IRAG1: variants seen among roughly 807,000 people sequenced by gnomAD.
IRAG1 encodes the protein IP3R-associated cGMP kinase substrate.
Under a neutral mutation model 106.2 loss-of-function variants are expected in IRAG1, and 62 were observed. The observed-to-expected ratio is 0.58, with a 90% CI of 0.48 to 0.72. The LOEUF (loss-of-function observed/expected upper bound fraction) is 0.72. IRAG1 is among the 30% of genes least tolerant of loss of function. The pLI, the probability that IRAG1 is intolerant of heterozygous loss-of-function variation, is 0.00. For missense variants in IRAG1, 1,064 were observed against 1,140.7 expected (o/e 0.93, Z 0.97); for synonymous variants, 462 against 443.9 (o/e 1.04, Z -0.51).
Position 10,633,954 on chromosome 11 carries a change from T to C in IRAG1, c.329+14A>G, listed in dbSNP as rs771149958. 8 of 1,538,966 alleles carry C rather than the reference T, an allele frequency of 5.2e-6. No individual in the cohort carries two copies. Among genetic ancestry groups the C allele is most frequent in the Non-Finnish European group, 7.2e-6 (8 of 1,115,394 alleles). On this transcript the variant is annotated intron_variant, in intron 3 of 20. Transcript: ENST00000423302. ...AATATTGTTTGTCACAATGCAAGGATCAGGCACCTGTACCTGTTGGCCAGG... is the reference window on the plus strand; with the variant it reads ...AATATTGTTTGTCACAATGCAAGGACCAGGCACCTGTACCTGTTGGCCAGG...
chr11:10,609,584 G>T (rs964149828), intron 11 of IRAG1, 144 bp downstream of exon 11: 5 of 941,736 alleles, frequency 5.3e-6, no homozygotes, highest in African/African-American at 5.2e-5. Flanking sequence ...TTTTTGTTTC[G>T]AATGCATTAT....
chr11:10,581,777 C>A, intron 19 of IRAG1, 90 bp downstream of exon 19: 6 of 1,507,426 alleles, frequency 4.0e-6, no homozygotes, highest in Non-Finnish European at 5.3e-6. Context: ...TGGTTACTTC[C>A]CTAAAGCCTC....
rs60410009 is a variant in IRAG1 at position 10,626,675 on chromosome 11, C to T, written c.751-92G>A. On this transcript the variant is annotated intron_variant, in intron 8 of 20. Coordinates refer to ENST00000423302, the MANE Select transcript of IRAG1 (RefSeq NM_130385.4). ...CTGCTGTGGAGTCTCTGCCCCCACA[C>T]ACCTTGCCAAGGGGCCCATTTGTAT... The T allele has an allele frequency of 1.6e-3, 2,208 of 1,412,598 alleles. 36 individuals carry two copies. In the African/African-American group the frequency reaches 0.029, roughly 18 times the overall value. 87.5% of individuals were successfully genotyped at this position (1,412,598 alleles called of 1,614,324 possible).
intron 1 of IRAG1, among the ~76,000 whole-genome samples, chr11:10,664,264 G>T (rs1325612295): frequency 6.6e-6 from 1 of 152,134 alleles, no homozygotes; most frequent in Non-Finnish European, 1.5e-5. Flanking sequence ...CTTCCCTGCT[G>T]GGATGGAGCA....
At chr11:10,597,322 C>G (rs1853435865) in intron 15 of IRAG1, among the ~76,000 whole-genome samples, 1 of 151,844 alleles carries the variant, frequency 6.6e-6, no homozygotes, top group South Asian at 2.1e-4. Flanking sequence ...TATTTTATGT[C>G]TCCAATAATT....
intron 2 of IRAG1, among the ~76,000 whole-genome samples, chr11:10,650,444 C>A (rs953927538): frequency 6.6e-6 from 1 of 151,942 alleles, no homozygotes; most frequent in African/African-American, 2.4e-5. Flanking sequence ...GGGGAGTTGC[C>A]CAGGATTTAA....
rs1365682941 is a variant in IRAG1 at position 10,628,852 on chromosome 11, C to T, written c.575-24G>A. ...AGCTGTGAAGACAGACACAAATTGG[C>T]TGGCATTCATGAAGGTTTAGGACTT... On this transcript the variant is annotated intron_variant, in intron 5 of 20. Transcript: ENST00000423302. This position sits in a 1 kb window ranked among gnomAD's most constrained non-coding sequence, Gnocchi z 4.1. 6.4e-7 allele frequency: 1 copy of T among 1,563,604 alleles called. No homozygotes were observed. The highest frequency in any genetic ancestry group is 8.7e-7 in the Non-Finnish European group (1 of 1,155,140).
At chr11:10,594,881 G>A (rs564545290) in intron 15 of IRAG1, among the ~76,000 whole-genome samples, 48 of 151,940 alleles carry the variant, frequency 3.2e-4, no homozygotes, top group African/African-American at 1.1e-3. Flanking sequence ...ATATATTTTT[G>A]GTGAGTCTCT....
Position 10,625,994 on chromosome 11 carries a change from C to T in IRAG1, c.1340G>A (p.Arg447Gln), listed in dbSNP as rs373767088. ...TCGGAGCTTGGTCAGTTTCTGCATCCGCACGGGCTGCACTTGTATCTGAAA... is the reference window on the plus strand; with the variant it reads ...TCGGAGCTTGGTCAGTTTCTGCATCTGCACGGGCTGCACTTGTATCTGAAA... ...KDFQIQVQPVRMQKLTKLREE... is the reference protein window; with the variant it reads ...KDFQIQVQPVQMQKLTKLREE... The change falls in exon 9 of 21, where the codon CGG becomes CAG. Residue 447 changes from arginine (R) to glutamine (Q), a missense_variant. Transcript: ENST00000423302. 35 of 1,494,138 alleles carry T rather than the reference C, an allele frequency of 2.3e-5. No homozygotes were observed. Among genetic ancestry groups the T allele is most frequent in the East Asian group, 9.3e-5 (4 of 43,004 alleles). 92.6% of individuals were successfully genotyped at this position (1,494,138 alleles called of 1,614,324 possible).
In IRAG1 at chr11:10,609,826, A is replaced by G; in HGVS notation, c.1473T>C (p.Ala491=). The G allele has an allele frequency of 6.2e-7, 1 of 1,613,974 alleles. No individual in the cohort carries two copies. Among genetic ancestry groups the G allele is most frequent in the Non-Finnish European group, 8.5e-7 (1 of 1,179,876 alleles). ...CACTCTTTGACTCTTCTTCCTCAAT[A>G]GCTGGGGAGAGTTCAGAAGGAAGCC... ...EKGLPSELSP[A]IEEEESKSGL... Residue 491 remains alanine (A), a synonymous_variant, in exon 11 of 21, where the codon GCT becomes GCC. Coordinates refer to ENST00000423302, the MANE Select transcript of IRAG1 (RefSeq NM_130385.4).
intron 10 of IRAG1, among the ~76,000 whole-genome samples, chr11:10,620,492 CA>C (rs1197300265): frequency 1.3e-5 from 2 of 152,054 alleles, no homozygotes; most frequent in African/African-American, 4.8e-5. Flanking sequence ...GGTACACGGG[CA>C]AAGATGTAAG....
intron 11 of IRAG1, among the ~76,000 whole-genome samples, chr11:10,607,415 G>A (rs972615107): frequency 1.2e-4 from 18 of 152,186 alleles, no homozygotes; most frequent in African/African-American, 3.6e-4. Context: ...AGCCCCAGCC[G>A]ACACAGAGGC....
At chr11:10,641,158 T>A (rs980597628) in intron 2 of IRAG1, among the ~76,000 whole-genome samples, 1 of 152,184 alleles carries the variant, frequency 6.6e-6, no homozygotes, top group African/African-American at 2.4e-5. Context: ...AGCCACCATG[T>A]ACAGCATATA....
At chr11:10,579,887 A>G (rs1203882636) in intron 20 of IRAG1, among the ~76,000 whole-genome samples, 2 of 152,206 alleles carry the variant, frequency 1.3e-5, no homozygotes, top group Non-Finnish European at 2.9e-5. Flanking sequence ...AATAGGAAGT[A>G]TTTTAAAAGA....
chr11:10,693,132 CAG>C (rs1217412493), intron 1 of IRAG1, among the ~76,000 whole-genome samples: 3 of 152,128 alleles, frequency 2.0e-5, no homozygotes, highest in East Asian at 3.9e-4. Flanking sequence ...CGTAGGGGGA[CAG>C]AGAGAGAGAC....
chr11:10,619,316 A>G (rs1442257116), intron 10 of IRAG1, among the ~76,000 whole-genome samples: 1 of 152,118 alleles, frequency 6.6e-6, no homozygotes, highest in African/African-American at 2.4e-5. Context: ...ATCTTTTCCC[A>G]TTTCTCAAAG....
intron 18 of IRAG1, among the ~76,000 whole-genome samples, chr11:10,590,100 G>C (rs1852475468): frequency 6.6e-6 from 1 of 152,168 alleles, no homozygotes; most frequent in Admixed American, 6.5e-5. Flanking sequence ...GGTTGGCAGG[G>C]AGAATTTTAG....
intron 15 of IRAG1, among the ~76,000 whole-genome samples, chr11:10,600,442 C>T (rs767735620): frequency 3.9e-5 from 6 of 152,212 alleles, no homozygotes; most frequent in Non-Finnish European, 8.8e-5. Context: ...ATGTAACTGC[C>T]ACACCACAGT....
chr11:10,601,165 A>G, intron 14 of IRAG1, 106 bp from the exon 15 acceptor site: 2 of 1,469,842 alleles, frequency 1.4e-6, no homozygotes, highest in African/African-American at 1.4e-5. Flanking sequence ...AAAAGGATAC[A>G]GGGACAAGAC....
Sources: allele counts gnomAD v4.1 joint callset (sites outside exome capture counted in the v4.1 genomes callset), GRCh38; gene constraint gnomAD v4.1.1; non-coding constraint Gnocchi (gnomAD v3.1); transcripts MANE v1.5; gene names NCBI Gene and HGNC (gene_info 2026-07-23, HGNC 2026-07-21).